The following RICTOR variants were observed in gnomAD, a reference collection of about 807,000 sequenced individuals.
RICTOR encodes RPTOR independent companion of MTOR complex 2.
Under a neutral mutation model 214.9 loss-of-function variants are expected in RICTOR, and 49 were observed. The ratio of observed to expected loss-of-function variants is 0.23; its 90% CI spans 0.18 to 0.29. The LOEUF (loss-of-function observed/expected upper bound fraction) is 0.29, where lower values mean the gene tolerates loss of function less well. Ranked by LOEUF, RICTOR falls within the 10% of genes least tolerant of loss-of-function variation. RICTOR has a pLI of 1.00. For missense variants in RICTOR, 1,625 were observed against 2,047.0 expected (o/e 0.79, Z 3.98); for synonymous variants, 717 against 711.3 (o/e 1.01, Z -0.13).
rs1491431382 is a variant in RICTOR at position 38,990,665 on chromosome 5, A to ATATCT, written c.583+283_583+284insAGATA. Among the ~76,000 whole-genome samples the ATATCT allele has an allele frequency of 4.7e-3, 41 of 8,772 alleles. 3 individuals are homozygous for ATATCT. Among genetic ancestry groups the ATATCT allele is most frequent in the African/African-American group, 6.9e-3 (34 of 4,936 alleles). 5.8% of individuals were successfully genotyped at this position (8,772 alleles called of 152,430 possible). On this transcript the variant is annotated intron_variant, in intron 7 of 37. Transcript: ENST00000357387. ...ATATATCAGATATATGATATATATC[A>ATATCT]GATATATATCAGATATATCATATAT...
In RICTOR at chr5:38,965,126, C is replaced by A. The variant is rs16867914; in HGVS notation, c.1300-234G>T. The stretch of plus-strand genomic sequence containing the variant: ...ACATATTAACATAACCATTAAGTTT[C>A]ATAGATTCTTTATTATAATATTATG... On this transcript the variant is annotated intron_variant, in intron 15 of 37. Coordinates refer to ENST00000357387, the MANE Select transcript of RICTOR (RefSeq NM_152756.5). 8.6e-3 allele frequency among the ~76,000 whole-genome samples: 1,314 copies of A among 151,934 alleles called. 45 individuals are homozygous for A. The highest frequency in any genetic ancestry group is 0.063 in the Admixed American group (960 of 15,258).
chr5:38,998,472 C>T (rs913801469), intron 5 of RICTOR, among the ~76,000 whole-genome samples: 22 of 152,140 alleles, frequency 1.4e-4, no homozygotes, highest in African/African-American at 5.1e-4. Context: ...CAGGCATGAG[C>T]CACCAAGCCC....
chr5:38,957,046 G>A (rs952781345), intron 25 of RICTOR, among the ~76,000 whole-genome samples: 3 of 152,026 alleles, frequency 2.0e-5, no homozygotes, highest in African/African-American at 7.2e-5. Flanking sequence ...TTGACCATGG[G>A]TTTCCAAGAT....
rs112372556 is a variant in RICTOR, at chr5:38,966,452, C to T, written c.1299+189G>A. ...ACCAATCAAAATATGCATGTGCATG[C>T]GCATGCGCGCACGTACATATCTATC... On this transcript the variant is annotated intron_variant, in intron 15 of 37. Coordinates refer to ENST00000357387, the MANE Select transcript of RICTOR (RefSeq NM_152756.5). Among the ~76,000 whole-genome samples the T allele has an allele frequency of 5.7e-3, 857 of 149,352 alleles. 8 individuals are homozygous for T. The highest frequency in any genetic ancestry group is 0.02 in the African/African-American group (820 of 41,430).
intron 20 of RICTOR, 64 bp from the exon 21 acceptor site, chr5:38,960,042 C>T: frequency 2.6e-6 from 3 of 1,157,158 alleles, no homozygotes; most frequent in South Asian, 1.2e-5. Flanking sequence ...AGAAAATCAA[C>T]TTCAATCAAG....
In RICTOR at chr5:39,005,510, A is replaced by G. The variant is rs767637186; in HGVS notation, c.196-1888T>C. 2.6e-5 allele frequency among the ~76,000 whole-genome samples: 4 copies of G among 152,236 alleles called. No homozygotes were observed. The East Asian group carries it at 5.8e-4, about 22-fold the overall frequency. ...CCATTTAATCCTTTTAGCCATTCCA[A>G]TGTGCTAATGAAATTCTTCATTTCA... On this transcript the variant is annotated intron_variant, in intron 3 of 37. Transcript: ENST00000357387.
At chr5:38,958,070 T>C (rs1397414006) in intron 24 of RICTOR, among the ~76,000 whole-genome samples, 1 of 151,904 alleles carries the variant, frequency 6.6e-6, no homozygotes, top group Non-Finnish European at 1.5e-5. Flanking sequence ...ACTCCAACTC[T>C]ACTAAAAATA....
Position 38,958,471 on chromosome 5 carries a change from C to T in RICTOR, c.2392G>A (p.Gly798Arg). 1 of 1,611,500 alleles carries T rather than the reference C, an allele frequency of 6.2e-7. No homozygotes were observed. Among genetic ancestry groups the T allele is most frequent in the Non-Finnish European group, 8.5e-7 (1 of 1,177,934 alleles). The change falls in exon 24 of 38, where the codon GGA becomes AGA. Residue 798 changes from glycine to arginine, a missense_variant. Around this residue, in one of 5 missense-constraint regions of RICTOR, gnomAD observed 1,214 missense variants for 1,470.5 expected, o/e 0.83. Coordinates refer to ENST00000357387, the MANE Select transcript of RICTOR (RefSeq NM_152756.5). ...IQMKPALSHL[G>R]DKGLLLLLRF... ...AGCAGGAGAAGCAAACCCTTGTCTC[C>T]AAGGTGGGATAACGCTGGTTTCATC...
In RICTOR at chr5:38,938,715, C is replaced by T; in HGVS notation, c.*3589G>A. On this transcript the variant is annotated 3_prime_UTR_variant, in exon 38 of 38. Coordinates refer to ENST00000357387, the MANE Select transcript of RICTOR (RefSeq NM_152756.5). ...AAAGATTCTCACAGATTTCAGTGTTCTTTGATAAGCACTGCTATTAATTTC... is the reference window on the plus strand; with the variant it reads ...AAAGATTCTCACAGATTTCAGTGTTTTTTGATAAGCACTGCTATTAATTTC... The T allele has an allele frequency of 4.3e-6, 1 of 232,672 alleles. No homozygotes were observed. The highest frequency in any genetic ancestry group is 8.5e-6 in the Non-Finnish European group (1 of 117,658). The allele number at this position is 232,672 out of a possible 1,614,324, so 14.4% of individuals were successfully genotyped here.
chr5:39,038,410 A>G (rs1756905687), intron 2 of RICTOR, among the ~76,000 whole-genome samples: 1 of 152,218 alleles, frequency 6.6e-6, no homozygotes, highest in African/African-American at 2.4e-5. Flanking sequence ...AAAATGGCAC[A>G]AGACAGGGAT....
chr5:39,008,775 C>T (rs904473458), intron 3 of RICTOR, among the ~76,000 whole-genome samples: 6 of 151,800 alleles, frequency 4.0e-5, no homozygotes, highest in African/African-American at 1.5e-4. Flanking sequence ...TGCACTTTCA[C>T]TCCTTAAAAT....
chr5:38,947,183 T>G, intron 32 of RICTOR, 81 bp downstream of exon 32: 1 of 1,008,526 alleles, frequency 9.9e-7, no homozygotes, highest in Non-Finnish European at 1.5e-6. Context: ...CACCCTAAAT[T>G]ATGATTTCTA....
At position 39,053,766 on chromosome 5, in the gene RICTOR, C is replaced by CCTA. The variant is rs927998969; in HGVS notation, c.97+20344_97+20345insTAG. 4.0e-5 allele frequency among the ~76,000 whole-genome samples: 6 copies of CCTA among 149,470 alleles called. 1 individual carries two copies. Among genetic ancestry groups the CCTA allele is most frequent in the African/African-American group, 1.5e-4 (6 of 39,622 alleles). ...AATTAGCCGGGCGAGGTGGCGGGCG[C>CCTA]CTGTAGTCCCAGCTACTCGGGAGGC... On this transcript the variant is annotated intron_variant, in intron 2 of 37. Coordinates refer to ENST00000357387, the MANE Select transcript of RICTOR (RefSeq NM_152756.5).
At position 38,982,193 on chromosome 5, in the gene RICTOR, G is replaced by A. The variant is rs1306347936; in HGVS notation, c.584-157C>T. Among the ~76,000 whole-genome samples, 4 of 152,126 alleles carry A rather than the reference G, an allele frequency of 2.6e-5. No homozygotes were observed. The East Asian group carries it at 7.7e-4, about 29-fold the overall frequency. ...ATAAAAGGACAAGTGGAAAATGTAA[G>A]AGTCACTGAATATACTTCCCCACAA... On this transcript the variant is annotated intron_variant, in intron 7 of 37. Transcript: ENST00000357387.
chr5:38,972,929 AAAG>A (rs140404735), intron 10 of RICTOR, among the ~76,000 whole-genome samples: 3,448 of 151,838 alleles, frequency 0.023, 137 homozygotes, highest in African/African-American at 0.078. Context: ...ATATTATAAA[AAAG>A]AAGAACATAT....
rs1751433662 is a variant in RICTOR, at chr5:38,978,668, G to A, written c.754-18C>T. 6 of 1,205,552 alleles carry A rather than the reference G, an allele frequency of 5.0e-6. No individual in the cohort carries two copies. Among genetic ancestry groups the A allele is most frequent in the South Asian group, 1.3e-5 (1 of 75,652 alleles). The allele number at this position is 1,205,552 out of a possible 1,614,324, so 74.7% of individuals were successfully genotyped here. The stretch of plus-strand genomic sequence containing the variant: ...AAAATTCTCTATTTAAAAAAAAAAA[G>A]GAAGAAAAGAGTCTTTATTTTAAAA... On this transcript the variant is annotated intron_variant, in intron 8 of 37. Transcript: ENST00000357387.
chr5:39,029,390 CTGTA>C lies in RICTOR; in HGVS notation c.98-8258_98-8255del, dbSNP rs1756098875. ...TTTATTTATTTCTTGGCTCAATTCT[CTGTA>C]TGTGCACATGTACACACACATATGT... On this transcript the variant is annotated intron_variant, in intron 2 of 37. Transcript: ENST00000357387. 3.9e-5 allele frequency among the ~76,000 whole-genome samples: 6 copies of C among 152,000 alleles called. No individual in the cohort carries two copies. The South Asian group carries it at 1.2e-3, about 32-fold the overall frequency.
At chr5:39,048,962 C>T (rs771218191) in intron 2 of RICTOR, among the ~76,000 whole-genome samples, 1 of 152,150 alleles carries the variant, frequency 6.6e-6, no homozygotes, top group Non-Finnish European at 1.5e-5. Context: ...CAAAGAAAAG[C>T]AGCTCTGGGT....
chr5:39,014,139 T>C (rs113606709), intron 3 of RICTOR, among the ~76,000 whole-genome samples: 4 of 152,110 alleles, frequency 2.6e-5, no homozygotes, highest in African/African-American at 4.8e-5. Context: ...CCATCAAGGA[T>C]TGTGTAAGTA....
Sources: gnomAD v4.1 joint callset for allele counts (sites outside exome capture counted in the v4.1 genomes callset) on GRCh38, gnomAD v4.1.1 for gene constraint, gnomAD v4.1.1 regional missense constraint, MANE v1.5 for transcripts, NCBI Gene and HGNC (gene_info 2026-07-23, HGNC 2026-07-21) for gene names.